Variants in GFM1 observed in about 807,000 individuals in gnomAD.
GFM1 encodes the protein elongation factor G, mitochondrial.
GFM1 carries 62 observed loss-of-function variants against 96.2 expected under a neutral mutation model. The ratio of observed to expected loss-of-function variants is 0.64; its 90% CI spans 0.53 to 0.80. The LOEUF (loss-of-function observed/expected upper bound fraction) is 0.80, where lower values mean the gene tolerates loss of function less well. GFM1 is among the 30% of genes least tolerant of loss of function. GFM1 has a pLI of 0.00. For missense variants in GFM1, 852 were observed against 916.6 expected, an observed-to-expected ratio of 0.93 and a Z score of 0.91; for synonymous variants, 282 against 312.9, an observed-to-expected ratio of 0.90 and a Z score of 1.04.
chr3:158,645,901 CAGTT>C lies in GFM1; in HGVS notation c.234+123_234+126del, dbSNP rs535405327. On this transcript the variant is annotated intron_variant, in intron 2 of 17. Transcript: ENST00000486715. ...AACAATGGTAACAGCGGACTTTTGA[CAGTT>C]AGGCTTATCTGAAAGTTGCTTAAGT... The C allele has an allele frequency of 3.2e-4, 324 of 1,003,052 alleles. 4 individuals are homozygous for C. The South Asian group carries it at 4.0e-3, about 12-fold the overall frequency. The allele number at this position is 1,003,052 out of a possible 1,614,324, so 62.1% of individuals were successfully genotyped here.
chr3:158,690,707 T>C (rs977953561), intron 16 of GFM1: 19 of 321,982 alleles, frequency 5.9e-5, no homozygotes, highest in Non-Finnish European at 9.3e-5. Flanking sequence ...TGTACCTTTC[T>C]TGACTTAAAT....
At chr3:158,644,946 C>G in intron 1 of GFM1, 1 of 465,478 alleles carries the variant, frequency 2.1e-6, no homozygotes, top group Non-Finnish European at 4.0e-6. Flanking sequence ...GTCTGTCACT[C>G]AGATACTTTG....
chr3:158,653,564 G>A, intron 7 of GFM1, 97 bp downstream of exon 7: 3 of 931,094 alleles, frequency 3.2e-6, no homozygotes, highest in Non-Finnish European at 5.0e-6. Flanking sequence ...TTATGTCTGT[G>A]ATTTTTTTTC....
Position 158,682,086 on chromosome 3 carries a change from A to G in GFM1, c.1693A>G (p.Thr565Ala), listed in dbSNP as rs1725432613. The change falls in exon 14 of 18, where the codon ACT (threonine) becomes GCT (alanine). Residue 565 changes from threonine to alanine, a missense_variant. Thr to Ala is a moderately conservative substitution (Grantham distance 58). Coordinates refer to ENST00000486715, the MANE Select transcript of GFM1 (RefSeq NM_024996.7). ...VLEPLDPEDY[T>A]KLEFSDETFG... Reference sequence around the variant, plus strand: ...GGAGCCTCTGGACCCAGAGGACTACACTAAATTGGAATTTTCAGATGAAAC... The same window carrying G: ...GGAGCCTCTGGACCCAGAGGACTACGCTAAATTGGAATTTTCAGATGAAAC... 2 of 1,613,730 alleles carry G rather than the reference A, an allele frequency of 1.2e-6. No individual in the cohort carries two copies. Among genetic ancestry groups the G allele is most frequent in the South Asian group, 1.1e-5 (1 of 91,078 alleles).
At chr3:158,653,641 A>G (rs1722485510) in intron 7 of GFM1, among the ~76,000 whole-genome samples, 174 bp downstream of exon 7, 1 of 151,996 alleles carries the variant, frequency 6.6e-6, no homozygotes, top group South Asian at 2.1e-4. Flanking sequence ...TTATTATACT[A>G]GTTCCTATAT....
chr3:158,675,310 A>AG (rs370161147), intron 13 of GFM1, among the ~76,000 whole-genome samples: 1 of 114,046 alleles, frequency 8.8e-6, no homozygotes, highest in African/African-American at 3.5e-5. Context: ...AAAAAAAAAA[A>AG]CAAGTTTTCA....
chr3:158,660,772 C>A, intron 9 of GFM1, 102 bp from the exon 10 acceptor site: 1 of 969,334 alleles, frequency 1.0e-6, no homozygotes. Context: ...TTCTGCCACG[C>A]TTTTTTATAT....
chr3:158,669,001 G>A (rs761652058), intron 13 of GFM1: 10 of 1,609,892 alleles, frequency 6.2e-6, no homozygotes, highest in South Asian at 1.1e-5. Flanking sequence ...CTTACCACTT[G>A]CTTGACAGTT....
intron 17 of GFM1, 57 bp downstream of exon 17, chr3:158,691,249 A>G: frequency 6.9e-6 from 11 of 1,604,846 alleles, no homozygotes; most frequent in African/African-American, 1.3e-5. Flanking sequence ...ATCATATTAT[A>G]AAATCTTGAC....
At chr3:158,671,247 T>C (rs1357263025) in intron 13 of GFM1, among the ~76,000 whole-genome samples, 1 of 152,222 alleles carries the variant, frequency 6.6e-6, no homozygotes, top group Middle Eastern at 3.2e-3. Context: ...AGCATACAAA[T>C]TGGGCACAAT....
chr3:158,646,977 T>C, intron 4 of GFM1, 30 bp downstream of exon 4: 1 of 1,540,284 alleles, frequency 6.5e-7, no homozygotes, highest in Non-Finnish European at 9.0e-7. Flanking sequence ...ACAAAGAGGA[T>C]GTGATGATCT....
At chr3:158,656,599 A>C (rs970105703) in intron 8 of GFM1, 3 of 97,608 alleles carry the variant, frequency 3.1e-5, no homozygotes, top group Admixed American at 9.5e-5. Flanking sequence ...CTCAGCCAAC[A>C]CTTGAGGGGG....
chr3:158,666,581 G>C (rs1723706111), intron 13 of GFM1, 195 bp downstream of exon 13: 1 of 1,420,600 alleles, frequency 7.0e-7, no homozygotes, highest in African/African-American at 1.4e-5. Context: ...TCATAAGCTA[G>C]ATGCCAGTGA....
At chr3:158,652,460 A>G (rs1722376870) in intron 6 of GFM1, among the ~76,000 whole-genome samples, 1 of 152,094 alleles carries the variant, frequency 6.6e-6, no homozygotes, top group Non-Finnish European at 1.5e-5. Flanking sequence ...GTTATTGAGG[A>G]CCCTTAAATT....
At position 158,646,877 on chromosome 3, in the gene GFM1, C is replaced by T. The variant is rs1333867171; in HGVS notation, c.502C>T (p.Pro168Ser). The T allele has an allele frequency of 5.6e-6, 9 of 1,614,122 alleles. No individual in the cohort carries two copies. The highest frequency in any genetic ancestry group is 7.6e-6 in the Non-Finnish European group (9 of 1,180,020). Residue 168 changes from proline (P) to serine (S), a missense_variant, in exon 4 of 18, where the codon CCG becomes TCG. Coordinates refer to ENST00000486715, the MANE Select transcript of GFM1 (RefSeq NM_024996.7). ...VNRQMKRYNV[P>S]FLTFINKLDR... ...TCGTCAGATGAAGCGCTACAACGTT[C>T]CGTTTCTAACTTTTATTAACAAATT...
At chr3:158,669,158 AAT>A in intron 13 of GFM1, 1 of 1,574,808 alleles carries the variant, frequency 6.3e-7, no homozygotes. Flanking sequence ...TTTATATGAT[AAT>A]CATATATATA....
chr3:158,686,226 C>T (rs1725822985), intron 15 of GFM1, among the ~76,000 whole-genome samples: 1 of 144,260 alleles, frequency 6.9e-6, no homozygotes, highest in Non-Finnish European at 1.5e-5. Context: ...AGTATATATG[C>T]ATATATATGT....
chr3:158,665,586 A>C, intron 12 of GFM1, 112 bp downstream of exon 12: 1 of 911,664 alleles, frequency 1.1e-6, no homozygotes, highest in Non-Finnish European at 1.8e-6. Flanking sequence ...TTCATGCGTC[A>C]CTCTGGTTTG....
At chr3:158,652,791 T>C (rs1396956961) in intron 6 of GFM1, among the ~76,000 whole-genome samples, 1 of 152,252 alleles carries the variant, frequency 6.6e-6, no homozygotes, top group Non-Finnish European at 1.5e-5. Context: ...AGAGCATACG[T>C]TCATATGGTT....
Sources: gnomAD v4.1 joint callset for allele counts (sites outside exome capture counted in the v4.1 genomes callset) on GRCh38, gnomAD v4.1.1 for gene constraint, MANE v1.5 for transcripts, NCBI Gene and HGNC (gene_info 2026-07-23, HGNC 2026-07-21) for gene names.